Variants in ROCK1 observed in about 807,000 individuals in gnomAD.
ROCK1 encodes the protein rho-associated protein kinase 1.
Under a neutral mutation model 196.8 loss-of-function variants are expected in ROCK1, and 36 were observed. That is an observed-to-expected ratio of 0.18 (90% CI 0.14 to 0.24). The LOEUF is 0.24. Among genes scored for constraint, ROCK1 ranks in the 10% least tolerant of loss-of-function variants. The pLI is 1.00. For missense variants in ROCK1, 920 were observed against 1,562.0 expected, an observed-to-expected ratio of 0.59 and a Z score of 6.93; for synonymous variants, 443 against 515.9, an observed-to-expected ratio of 0.86 and a Z score of 1.91.
intron 11 of ROCK1, 53 bp from the exon 12 acceptor site, chr18:21,020,292 T>G: frequency 1.1e-6 from 1 of 945,686 alleles, no homozygotes; most frequent in Non-Finnish European, 1.6e-6. Flanking sequence ...ATTTAGACAT[T>G]TAAAAATATC....
chr18:21,000,029 A>G (rs2035709385), intron 16 of ROCK1, among the ~76,000 whole-genome samples: 1 of 152,212 alleles, frequency 6.6e-6, no homozygotes. Context: ...AGAAATAGAA[A>G]AGCCAATCCT....
chr18:20,959,250 G>GTCCA (rs2035302650), intron 29 of ROCK1, among the ~76,000 whole-genome samples: 1 of 105,802 alleles, frequency 9.5e-6, no homozygotes, highest in African/African-American at 3.7e-5. Flanking sequence ...TCGCTCTTGT[G>GTCCA]GCCCAGGCTG....
chr18:20,979,457 A>G (rs2035509932), intron 22 of ROCK1, among the ~76,000 whole-genome samples: 2 of 152,022 alleles, frequency 1.3e-5, no homozygotes, highest in South Asian at 4.1e-4. Flanking sequence ...CCCTGTCTCT[A>G]CTAAAAATAC....
intron 32 of ROCK1, chr18:20,953,164 T>C (rs1330966909): frequency 5.9e-6 from 1 of 170,652 alleles, no homozygotes; most frequent in Non-Finnish European, 1.2e-5. Context: ...AATAATTTTG[T>C]ATGTTGGGAT....
intron 2 of ROCK1, among the ~76,000 whole-genome samples, chr18:21,065,973 ATTT>A (rs1383275085): frequency 6.6e-6 from 1 of 152,178 alleles, no homozygotes; most frequent in Non-Finnish European, 1.5e-5. Context: ...CTTAAGCTGA[ATTT>A]TTTAAAGAAA....
intron 19 of ROCK1, among the ~76,000 whole-genome samples, chr18:20,985,752 C>T (rs2035572833): frequency 6.6e-6 from 1 of 152,160 alleles, no homozygotes; most frequent in Non-Finnish European, 1.5e-5. Flanking sequence ...CTCCTGCATG[C>T]TAGCTTTAAT....
intron 2 of ROCK1, among the ~76,000 whole-genome samples, chr18:21,058,085 A>G (rs2036259312): frequency 6.6e-6 from 1 of 152,206 alleles, no homozygotes. Flanking sequence ...AACTGTATAC[A>G]GTATATGAAC....
intron 1 of ROCK1, among the ~76,000 whole-genome samples, chr18:21,090,643 A>G (rs997687278): frequency 2.6e-5 from 4 of 152,224 alleles, no homozygotes; most frequent in Non-Finnish European, 4.4e-5. Context: ...CAAATTATCA[A>G]TTATATCCTA....
chr18:21,017,285 G>A (rs1269737793), intron 12 of ROCK1, among the ~76,000 whole-genome samples: 30 of 141,102 alleles, frequency 2.1e-4, no homozygotes, highest in East Asian at 2.1e-4. Flanking sequence ...TCCGTCTCCC[G>A]GGTTCATGCC....
chr18:20,951,511 A>G lies in ROCK1; in HGVS notation c.4062-124T>C. 6.0e-6 allele frequency: 4 copies of G among 665,960 alleles called. No homozygotes were observed. The South Asian group carries it at 1.5e-4, about 25-fold the overall frequency. 41.3% of individuals were successfully genotyped at this position (665,960 alleles called of 1,614,324 possible). The stretch of plus-strand genomic sequence containing the variant: ...ACATAAAATAATTAACAATTACACA[A>G]AATTTGGAAAACAAGGAATAGGAAA... On this transcript the variant is annotated intron_variant, in intron 32 of 32. Transcript: ENST00000399799.
intron 1 of ROCK1, among the ~76,000 whole-genome samples, chr18:21,093,315 C>A (rs1393774053): frequency 2.0e-5 from 3 of 152,126 alleles, no homozygotes; most frequent in Admixed American, 2.0e-4. Context: ...ACCTTTGGGG[C>A]CAGGCCAAAT....
chr18:21,073,334 T>C (rs547601118), intron 1 of ROCK1, among the ~76,000 whole-genome samples: 1 of 152,140 alleles, frequency 6.6e-6, no homozygotes, highest in Non-Finnish European at 1.5e-5. Flanking sequence ...ACACTTCACA[T>C]TTCCTGAGAA....
chr18:21,088,481 C>A (rs2036544804), intron 1 of ROCK1, among the ~76,000 whole-genome samples: 1 of 152,052 alleles, frequency 6.6e-6, no homozygotes, highest in Non-Finnish European at 1.5e-5. Flanking sequence ...GTCTGGGTGA[C>A]AGAGTGAGAC....
chr18:20,971,305 T>C (rs375327953), intron 22 of ROCK1, among the ~76,000 whole-genome samples: 45 of 136,826 alleles, frequency 3.3e-4, no homozygotes, highest in Middle Eastern at 3.6e-3. Context: ...ATAGTAAACA[T>C]ACACACACAC....
At chr18:21,032,504 A>AAGT (rs1365008481) in intron 9 of ROCK1, among the ~76,000 whole-genome samples, 1 of 148,900 alleles carries the variant, frequency 6.7e-6, no homozygotes, top group Admixed American at 6.6e-5. Flanking sequence ...ACAAATAGGA[A>AAGT]AGTTTTTTTT....
At chr18:21,079,991 T>G (rs368716673) in intron 1 of ROCK1, among the ~76,000 whole-genome samples, 11 of 151,908 alleles carry the variant, frequency 7.2e-5, no homozygotes, top group African/African-American at 2.2e-4. Context: ...TCCAGGGGAG[T>G]GCATGTTGAA....
chr18:20,965,383 TCATACATA>T lies in ROCK1; in HGVS notation c.3352+1526_3352+1533del, dbSNP rs766977630. 1.4e-3 allele frequency among the ~76,000 whole-genome samples: 203 copies of T among 149,070 alleles called. 2 individuals are homozygous for T. The highest frequency in any genetic ancestry group is 4.8e-3 in the African/African-American group (195 of 40,312). ...GCCTGGGCAACAGAGTGAGACTGTTTCATACATACATACATACATATATACATACATAC... is the reference window on the plus strand; with the variant it reads ...GCCTGGGCAACAGAGTGAGACTGTTTCATACATACATATATACATACATAC... On this transcript the variant is annotated intron_variant, in intron 27 of 32. Transcript: ENST00000399799.
chr18:20,960,304 A>C (rs1598508317), intron 27 of ROCK1, 98 bp from the exon 28 acceptor site: 1 of 754,672 alleles, frequency 1.3e-6, no homozygotes, highest in East Asian at 2.5e-5. Flanking sequence ...AAGCAATTGA[A>C]CACAACTAAA....
intron 9 of ROCK1, among the ~76,000 whole-genome samples, chr18:21,038,311 C>G (rs557428718): frequency 6.6e-6 from 1 of 152,096 alleles, no homozygotes; most frequent in East Asian, 1.9e-4. Flanking sequence ...TAAAATTCTC[C>G]CAAAGTCAAG....
Sources: gnomAD v4.1 joint callset for allele counts (sites outside exome capture counted in the v4.1 genomes callset) on GRCh38, gnomAD v4.1.1 for gene constraint, MANE v1.5 for transcripts, NCBI Gene and HGNC (gene_info 2026-07-23, HGNC 2026-07-21) for gene names.